The following DOCK4 variants were observed in gnomAD, a reference collection of about 807,000 sequenced individuals.
DOCK4 encodes the protein dedicator of cytokinesis 4, also known as dedicator of cytokinesis protein 4.
A neutral mutation model predicts 268.1 loss-of-function variants in DOCK4; 97 were observed. The ratio of observed to expected loss-of-function variants is 0.36; its 90% CI spans 0.31 to 0.43. The LOEUF (loss-of-function observed/expected upper bound fraction) is 0.43. Ranked by LOEUF, DOCK4 falls within the 20% of genes least tolerant of loss-of-function variation. The pLI, the probability that DOCK4 is intolerant of heterozygous loss-of-function variation, is 1.00. For missense variants in DOCK4, 2,145 were observed against 2,455.7 expected (o/e 0.87, Z 2.67); for synonymous variants, 954 against 887.2 (o/e 1.08, Z -1.34).
intron 1 of DOCK4, among the ~76,000 whole-genome samples, chr7:112,010,753 G>A (rs185283049): frequency 7.0e-4 from 107 of 152,280 alleles, no homozygotes; most frequent in Admixed American, 2.9e-3. Flanking sequence ...GACATGTCAC[G>A]CAACTCTCTT....
intron 1 of DOCK4, among the ~76,000 whole-genome samples, chr7:112,024,257 T>A (rs1005236751): frequency 6.6e-6 from 1 of 152,230 alleles, no homozygotes; most frequent in Non-Finnish European, 1.5e-5. Flanking sequence ...GCTTTAAATA[T>A]CATCTAAACG....
intron 1 of DOCK4, among the ~76,000 whole-genome samples, chr7:112,066,628 A>G (rs1321764731): frequency 7.4e-6 from 1 of 135,324 alleles, no homozygotes; most frequent in Non-Finnish European, 1.5e-5. Flanking sequence ...ATATACGTGT[A>G]TATATACACA....
intron 1 of DOCK4, among the ~76,000 whole-genome samples, chr7:112,044,598 T>C (rs989138976): frequency 1.3e-5 from 2 of 152,168 alleles, no homozygotes; most frequent in Non-Finnish European, 2.9e-5. Context: ...CCTTCAAACA[T>C]AGCAGGTCTA....
intron 1 of DOCK4, among the ~76,000 whole-genome samples, chr7:112,165,539 T>TAC (rs1817526963): frequency 7.4e-6 from 1 of 135,040 alleles, no homozygotes; most frequent in African/African-American, 2.5e-5. Flanking sequence ...TGTGTGTGTG[T>TAC]GTGTGTGTGT....
intron 46 of DOCK4, 95 bp from the exon 47 acceptor site, chr7:111,741,309 A>G: frequency 1.3e-6 from 2 of 1,520,610 alleles, no homozygotes; most frequent in Admixed American, 2.0e-5. Flanking sequence ...GGGAAAATAC[A>G]TTCCGTTTTG....
intron 27 of DOCK4, among the ~76,000 whole-genome samples, chr7:111,815,218 C>T (rs2133931014): frequency 6.6e-6 from 1 of 152,294 alleles, no homozygotes; most frequent in Admixed American, 6.5e-5. Flanking sequence ...TATGACTGCT[C>T]AGGGCTAGAA....
chr7:111,779,156 A>C (rs10271296), intron 35 of DOCK4, among the ~76,000 whole-genome samples: 31,126 of 152,042 alleles, frequency 0.2, 3,681 homozygotes, highest in East Asian at 0.54. Flanking sequence ...AATGGGAAAG[A>C]GGGTAAATAA....
chr7:111,872,492 T>C lies in DOCK4; in HGVS notation c.1817A>G (p.Glu606Gly). 6.2e-7 allele frequency: 1 copy of C among 1,600,744 alleles called. No individual in the cohort carries two copies. The highest frequency in any genetic ancestry group is 8.5e-7 in the Non-Finnish European group (1 of 1,172,642). The change falls in exon 18 of 53, where the codon GAA becomes GGA. Residue 606 changes from glutamate (E) to glycine (G), a missense_variant. Physicochemically the swap from Glu to Gly is moderately conservative, Grantham distance 98. Coordinates refer to ENST00000428084, the MANE Select transcript of DOCK4 (RefSeq NM_001363540.2). ...CTTTACTATCTCTGAGCCATCAATT[T>C]CTTTTAATTTAGAGAGACAGCCAGT... The part of the protein sequence containing the change: ...KITGCLSKLK[E>G]IDGSEIVKFL...
In DOCK4 at chr7:112,119,803, G is replaced by A. The variant is rs143595935; in HGVS notation, c.37+86299C>T. 9.9e-5 allele frequency among the ~76,000 whole-genome samples: 15 copies of A among 151,778 alleles called. No homozygotes were observed. In the East Asian group the frequency reaches 2.9e-3, roughly 29 times the overall value. On this transcript the variant is annotated intron_variant, in intron 1 of 52. Coordinates refer to ENST00000428084, the MANE Select transcript of DOCK4 (RefSeq NM_001363540.2). ...CGTAAGGATTATACAAAGGCAGGAA[G>A]CACAGTGCCTGGCGTATATTTAGTG...
At chr7:112,174,611 G>A (rs976427268) in intron 1 of DOCK4, among the ~76,000 whole-genome samples, 18 of 151,938 alleles carry the variant, frequency 1.2e-4, no homozygotes, top group Admixed American at 1.2e-3. Flanking sequence ...AAAAAAGGCA[G>A]GATTTTAAAT....
At chr7:111,778,698 T>C (rs1420654398) in intron 35 of DOCK4, among the ~76,000 whole-genome samples, 1 of 152,190 alleles carries the variant, frequency 6.6e-6, no homozygotes, top group Non-Finnish European at 1.5e-5. Context: ...ATTTTTTAAC[T>C]TGGCCGATTG....
At chr7:112,166,332 G>T (rs1817611851) in intron 1 of DOCK4, among the ~76,000 whole-genome samples, 1 of 152,122 alleles carries the variant, frequency 6.6e-6, no homozygotes, top group Non-Finnish European at 1.5e-5. Context: ...TTAATGTATA[G>T]AACTTGGTAA....
chr7:112,050,207 C>G (rs75337639), intron 1 of DOCK4, among the ~76,000 whole-genome samples: 39 of 152,186 alleles, frequency 2.6e-4, no homozygotes, highest in Admixed American at 3.9e-4. Context: ...TTTAAAGAGG[C>G]CTCTCTTAAA....
chr7:112,155,609 C>G (rs890048751), intron 1 of DOCK4, among the ~76,000 whole-genome samples: 3 of 152,144 alleles, frequency 2.0e-5, no homozygotes, highest in Non-Finnish European at 4.4e-5. Context: ...CAATCACCAC[C>G]CAGTGGGTTA....
At chr7:111,731,186 G>A (rs1335059095) in intron 52 of DOCK4, among the ~76,000 whole-genome samples, 4 of 152,156 alleles carry the variant, frequency 2.6e-5, no homozygotes, top group African/African-American at 9.7e-5. Flanking sequence ...ACTTACCCGC[G>A]AATTTCTACG....
chr7:112,069,751 A>C (rs1807416445), intron 1 of DOCK4, among the ~76,000 whole-genome samples: 1 of 152,192 alleles, frequency 6.6e-6, no homozygotes, highest in African/African-American at 2.4e-5. Context: ...TAGAAAATAG[A>C]AAATGTCTCT....
chr7:111,867,248 A>G (rs1208810329), intron 22 of DOCK4, among the ~76,000 whole-genome samples: 1 of 152,180 alleles, frequency 6.6e-6, no homozygotes. Context: ...CTCCCTTTTT[A>G]TGTCCCAGTT....
intron 16 of DOCK4, among the ~76,000 whole-genome samples, chr7:111,884,865 G>A (rs2134311874): frequency 6.6e-6 from 1 of 152,260 alleles, no homozygotes; most frequent in Non-Finnish European, 1.5e-5. Flanking sequence ...ATACAAATGA[G>A]GTTCTAGAAG....
intron 1 of DOCK4, among the ~76,000 whole-genome samples, chr7:112,076,030 T>G (rs1309878018): frequency 1.3e-5 from 2 of 152,190 alleles, no homozygotes; most frequent in Non-Finnish European, 2.9e-5. Flanking sequence ...TTTTTCTATA[T>G]TCTCCTAGAA....
Sources: gnomAD v4.1 joint callset for allele counts (sites outside exome capture counted in the v4.1 genomes callset) on GRCh38, gnomAD v4.1.1 for gene constraint, MANE v1.5 for transcripts, NCBI Gene and HGNC (gene_info 2026-07-23, HGNC 2026-07-21) for gene names.